PTPN13: variants seen among roughly 807,000 people sequenced by gnomAD.
The protein encoded by PTPN13 is tyrosine-protein phosphatase non-receptor type 13.
Under a neutral mutation model 284.0 loss-of-function variants are expected in PTPN13, and 191 were observed. The ratio of observed to expected loss-of-function variants is 0.67; its 90% confidence interval spans 0.60 to 0.76. The LOEUF (loss-of-function observed/expected upper bound fraction) is 0.76, where lower values mean the gene tolerates loss of function less well. Ranked by LOEUF, PTPN13 falls within the 30% of genes least tolerant of loss-of-function variation. The probability of loss-of-function intolerance (pLI) is 0.00; values close to 1 mark genes in which losing one functional copy is unlikely to be tolerated. For synonymous variants in PTPN13, 986 were observed against 1,022.3 expected (o/e 0.96, Z 0.68); for missense variants, 2,797 against 2,939.9 (o/e 0.95, Z 1.12).
At chr4:86,738,458 C>T (rs926824290) in intron 15 of PTPN13, among the ~76,000 whole-genome samples, 2 of 152,276 alleles carry the variant, frequency 1.3e-5, no homozygotes, top group East Asian at 1.9e-4. Context: ...TCCCTCATTA[C>T]TATTTATGTT....
Position 86,607,490 on chromosome 4 carries a change from C to T in PTPN13, c.-6+12701C>T, listed in dbSNP as rs140233952. Among the ~76,000 whole-genome samples the T allele has an allele frequency of 1.5e-3, 222 of 152,030 alleles. 4 individuals are homozygous for T. Among genetic ancestry groups the T allele is most frequent in the African/African-American group, 5.1e-3 (211 of 41,522 alleles). On this transcript the variant is annotated intron_variant, in intron 1 of 47. Coordinates refer to ENST00000411767, the MANE Select transcript of PTPN13 (RefSeq NM_080683.3). ...ATCTTTACAGTCCTGTTGAGGTACACGCAATCCTGTGAAGTAAATGCTGTT... is the reference window on the plus strand; with the variant it reads ...ATCTTTACAGTCCTGTTGAGGTACATGCAATCCTGTGAAGTAAATGCTGTT...
intron 1 of PTPN13, among the ~76,000 whole-genome samples, chr4:86,617,763 CT>C (rs1469147052): frequency 6.6e-6 from 1 of 152,136 alleles, no homozygotes; most frequent in Non-Finnish European, 1.5e-5. Context: ...CCTTCACCCA[CT>C]TTTTGATGGG....
At position 86,734,465 on chromosome 4, in the gene PTPN13, A is replaced by G. The variant is rs751270512; in HGVS notation, c.2012+9A>G. The G allele has an allele frequency of 2.6e-6, 4 of 1,526,884 alleles. No individual in the cohort carries two copies. Among genetic ancestry groups the G allele is most frequent in the African/African-American group, 2.8e-5 (2 of 71,926 alleles). 94.6% of individuals were successfully genotyped at this position (1,526,884 alleles called of 1,614,324 possible). A position where few individuals can be genotyped will look rare whatever the true frequency, so the allele number is the denominator to read the frequency against. ...GATGTTAGTCTAATACAGTGAGTAC[A>G]CAAGAGTTTCTCTTTTGCTCTTTTT... On this transcript the variant is annotated intron_variant, in intron 13 of 47. Coordinates refer to ENST00000411767, the MANE Select transcript of PTPN13 (RefSeq NM_080683.3).
chr4:86,629,831 AT>A (rs1430552801), intron 1 of PTPN13, among the ~76,000 whole-genome samples: 1 of 151,936 alleles, frequency 6.6e-6, no homozygotes, highest in Non-Finnish European at 1.5e-5. Flanking sequence ...CAATTATAGC[AT>A]TGCAGTCTCC....
chr4:86,629,407 C>T, intron 1 of PTPN13, among the ~76,000 whole-genome samples: 1 of 150,746 alleles, frequency 6.6e-6, no homozygotes, highest in East Asian at 1.9e-4. Context: ...GATATCATCT[C>T]ACACCAGTTA....
At chr4:86,710,544 A>G (rs1463199652) in intron 7 of PTPN13, among the ~76,000 whole-genome samples, 1 of 152,208 alleles carries the variant, frequency 6.6e-6, no homozygotes, top group Non-Finnish European at 1.5e-5. Context: ...TCCAAGTCTG[A>G]TCTCCTAAAC....
intron 19 of PTPN13, among the ~76,000 whole-genome samples, chr4:86,751,923 ATGTGTGTG>A (rs3035339): frequency 1.3e-5 from 2 of 149,074 alleles, no homozygotes; most frequent in African/African-American, 2.5e-5. Context: ...AATTGTATGT[ATGTGTGTG>A]TGTGTGTGTG....
chr4:86,752,997 T>G lies in PTPN13; in HGVS notation c.3167-12T>G. 6.3e-7 allele frequency: 1 copy of G among 1,591,100 alleles called. No homozygotes were observed. Among genetic ancestry groups the G allele is most frequent in the Non-Finnish European group, 8.6e-7 (1 of 1,163,366 alleles). On this transcript the variant is annotated splice_polypyrimidine_tract_variant and intron_variant, in intron 19 of 47. Coordinates refer to ENST00000411767, the MANE Select transcript of PTPN13 (RefSeq NM_080683.3). ...ATCTTATGAAATGTCTAATATTTAA[T>G]TTATGCCACAGGAATGACTATGCAT... is the stretch of plus-strand genomic sequence containing the variant.
chr4:86,773,865 A>G (rs113837384), intron 32 of PTPN13, among the ~76,000 whole-genome samples: 200 of 152,206 alleles, frequency 1.3e-3, no homozygotes, highest in African/African-American at 4.6e-3. Context: ...TTTTAAAAGT[A>G]TATTTTATTT....
chr4:86,595,048 G>C (rs1171988823), intron 1 of PTPN13, among the ~76,000 whole-genome samples: 1 of 152,134 alleles, frequency 6.6e-6, no homozygotes, highest in Non-Finnish European at 1.5e-5. Context: ...TCTCCTCTGC[G>C]GAAGAAAGCC....
At chr4:86,647,420 CAGG>C (rs576455565) in intron 2 of PTPN13, among the ~76,000 whole-genome samples, 1,846 of 151,680 alleles carry the variant, frequency 0.012, 16 homozygotes, top group South Asian at 0.035. Context: ...TGTAGAGCAT[CAGG>C]AGTAGACTAC....
At chr4:86,658,052 T>C (rs1056818285) in intron 2 of PTPN13, among the ~76,000 whole-genome samples, 1 of 152,154 alleles carries the variant, frequency 6.6e-6, no homozygotes, top group African/African-American at 2.4e-5. Context: ...TGACTGCCAC[T>C]CAAATTTATT....
chr4:86,761,139 AATATATATATATAT>A (rs6148556), intron 23 of PTPN13, among the ~76,000 whole-genome samples: 33 of 120,664 alleles, frequency 2.7e-4, no homozygotes, highest in Admixed American at 1.0e-3. Flanking sequence ...TGTGTGTGTA[AATATATATATATAT>A]ATATATATAT....
intron 40 of PTPN13, among the ~76,000 whole-genome samples, chr4:86,789,281 T>C (rs1742337890): frequency 6.6e-6 from 1 of 152,172 alleles, no homozygotes; most frequent in South Asian, 2.1e-4. Context: ...TCTTCAAACA[T>C]TGTCTTCTTA....
chr4:86,761,561 T>C (rs1456825184), intron 23 of PTPN13, among the ~76,000 whole-genome samples: 2 of 152,198 alleles, frequency 1.3e-5, no homozygotes, highest in Non-Finnish European at 2.9e-5. Context: ...AGTGCTTTTC[T>C]CCTCATACCA....
intron 44 of PTPN13, 136 bp downstream of exon 44, chr4:86,805,505 A>G (rs1345999835): frequency 2.1e-6 from 1 of 467,384 alleles, no homozygotes; most frequent in East Asian, 3.4e-5. Flanking sequence ...TATCAGTAAC[A>G]AATACATTGA....
intron 4 of PTPN13, among the ~76,000 whole-genome samples, chr4:86,687,734 T>C (rs1729598751): frequency 1.3e-5 from 2 of 152,140 alleles, no homozygotes; most frequent in South Asian, 2.1e-4. Context: ...ATTGGTGTCA[T>C]ATATTATGCA....
intron 9 of PTPN13, among the ~76,000 whole-genome samples, chr4:86,720,911 T>C (rs1426227527): frequency 6.6e-6 from 1 of 152,052 alleles, no homozygotes; most frequent in Non-Finnish European, 1.5e-5. Flanking sequence ...AAAAGCGTCT[T>C]TCAGTGACCA....
chr4:86,650,499 G>A (rs1724964886), intron 2 of PTPN13, among the ~76,000 whole-genome samples: 1 of 152,010 alleles, frequency 6.6e-6, no homozygotes, highest in South Asian at 2.1e-4. Context: ...TTGCAGAGAA[G>A]GGGTTTCACC....
Sources: allele counts gnomAD v4.1 joint callset (sites outside exome capture counted in the v4.1 genomes callset), GRCh38; gene constraint gnomAD v4.1.1; transcripts MANE v1.5; gene names NCBI Gene and HGNC (gene_info 2026-07-23, HGNC 2026-07-21).